Variants in TBC1D4 observed in about 807,000 individuals in gnomAD.
TBC1D4 encodes the protein TBC1 domain family member 4.
In TBC1D4, 121 loss-of-function variants were observed where a neutral mutation model predicts 142.5. The ratio of observed to expected loss-of-function variants is 0.85; its 90% CI spans 0.73 to 0.99. The LOEUF is 0.99. Among genes scored for constraint, TBC1D4 ranks in the 50% least tolerant of loss-of-function variants. TBC1D4 has a pLI of 0.00. For missense variants in TBC1D4, 1,475 were observed against 1,606.6 expected, an observed-to-expected ratio of 0.92 and a Z score of 1.40; for synonymous variants, 630 against 628.2, an observed-to-expected ratio of 1.00 and a Z score of -0.04.
At chr13:75,358,635 C>G (rs936565178) in intron 3 of TBC1D4, among the ~76,000 whole-genome samples, 4 of 151,942 alleles carry the variant, frequency 2.6e-5, no homozygotes, top group Admixed American at 1.3e-4. Context: ...GATCTTGAGG[C>G]CAGGAGTTCA....
At chr13:75,331,765 T>C (rs927227131) in intron 8 of TBC1D4, among the ~76,000 whole-genome samples, 3 of 151,856 alleles carry the variant, frequency 2.0e-5, no homozygotes, top group Non-Finnish European at 4.4e-5. Flanking sequence ...AAATAAAATA[T>C]TTTGATGTTT....
chr13:75,405,594 G>A (rs192917666), intron 1 of TBC1D4, among the ~76,000 whole-genome samples: 2 of 152,226 alleles, frequency 1.3e-5, no homozygotes, highest in Admixed American at 1.3e-4. Context: ...AAAGTCTAGG[G>A]TATGCATCAA....
intron 1 of TBC1D4, among the ~76,000 whole-genome samples, chr13:75,441,912 T>A (rs1211785046): frequency 6.6e-6 from 1 of 152,262 alleles, no homozygotes; most frequent in African/African-American, 2.4e-5. Context: ...TTAGACTCTG[T>A]AACACTTCTT....
intron 16 of TBC1D4, among the ~76,000 whole-genome samples, chr13:75,299,972 A>G (rs1164208245): frequency 6.6e-6 from 1 of 152,208 alleles, no homozygotes; most frequent in Non-Finnish European, 1.5e-5. Context: ...CTTCTAAATG[A>G]AACCAGAAGT....
At chr13:75,340,602 C>G (rs1210341345) in intron 7 of TBC1D4, among the ~76,000 whole-genome samples, 1 of 152,140 alleles carries the variant, frequency 6.6e-6, no homozygotes, top group Non-Finnish European at 1.5e-5. Context: ...AATTCTTTTA[C>G]ATTTTAAGAC....
At chr13:75,299,196 C>G (rs1209823087) in intron 17 of TBC1D4, 134 bp downstream of exon 17, 8 of 1,479,498 alleles carry the variant, frequency 5.4e-6, no homozygotes, top group Non-Finnish European at 7.3e-6. Context: ...TGAACTAAAA[C>G]ATGCCCCAAT....
In TBC1D4 at chr13:75,481,327, G is replaced by A; in HGVS notation, c.441C>T (p.Pro147=). ...TYFAYLIKAQ[P]DDPESQMACH... is the part of the protein sequence containing the mutation. ...AGGCCATCTGCGACTCGGGGTCGTC[G>A]GGCTGCGCCTTGATCAGGTAGGCAA... The change falls in exon 1 of 21, where the codon CCC becomes CCT. Residue 147 remains proline, a synonymous_variant. Coordinates refer to ENST00000377636, the MANE Select transcript of TBC1D4 (RefSeq NM_014832.5). 1.2e-6 allele frequency: 2 copies of A among 1,613,916 alleles called. No individual in the cohort carries two copies. Among genetic ancestry groups the A allele is most frequent in the Non-Finnish European group, 1.7e-6 (2 of 1,179,824 alleles).
chr13:75,327,712 G>A, intron 9 of TBC1D4, 40 bp downstream of exon 9: 1 of 1,592,144 alleles, frequency 6.3e-7, no homozygotes, highest in Non-Finnish European at 8.6e-7. Flanking sequence ...TGCTGACTTT[G>A]TTAAGTTGCA....
At chr13:75,476,352 G>T (rs1028171084) in intron 1 of TBC1D4, among the ~76,000 whole-genome samples, 2 of 152,250 alleles carry the variant, frequency 1.3e-5, no homozygotes, top group Non-Finnish European at 2.9e-5. Flanking sequence ...TGTGTGTTTT[G>T]ACTGTGATCT....
chr13:75,355,908 T>G (rs1044422774), intron 4 of TBC1D4, among the ~76,000 whole-genome samples: 1 of 152,204 alleles, frequency 6.6e-6, no homozygotes, highest in African/African-American at 2.4e-5. Context: ...TTTAAAAAGC[T>G]CAAGTTTCCA....
intron 1 of TBC1D4, among the ~76,000 whole-genome samples, chr13:75,410,880 G>A (rs563935689): frequency 3.6e-4 from 46 of 129,482 alleles, no homozygotes; most frequent in African/African-American, 1.2e-3. Context: ...AGCTTGCAGT[G>A]AGCCGAGATC....
intron 2 of TBC1D4, among the ~76,000 whole-genome samples, chr13:75,361,735 T>C (rs897029249): frequency 3.3e-5 from 5 of 152,216 alleles, no homozygotes; most frequent in South Asian, 4.2e-4. Context: ...ATGCTGGTTA[T>C]AGATTCTTAT....
chr13:75,299,823 C>CAAA (rs56719877), intron 16 of TBC1D4, among the ~76,000 whole-genome samples: 77 of 105,646 alleles, frequency 7.3e-4, no homozygotes, highest in East Asian at 1.9e-3. Flanking sequence ...TTCTTTCCAG[C>CAAA]AAAAAAAAAA....
chr13:75,450,879 CG>C (rs1271333318), intron 1 of TBC1D4, among the ~76,000 whole-genome samples: 1 of 152,104 alleles, frequency 6.6e-6, no homozygotes, highest in East Asian at 1.9e-4. Flanking sequence ...TGAGCCCCCT[CG>C]TTAGCATAAA....
Position 75,286,707 on chromosome 13 carries a change from G to T in TBC1D4, c.*85C>A. The T allele has an allele frequency of 7.2e-7, 1 of 1,382,512 alleles. No homozygotes were observed. Among genetic ancestry groups the T allele is most frequent in the Non-Finnish European group, 1.0e-6 (1 of 991,466 alleles). The allele number at this position is 1,382,512 out of a possible 1,614,324, so 85.6% of individuals were successfully genotyped here. A position where few individuals can be genotyped will look rare whatever the true frequency, so the allele number is the denominator to read the frequency against. ...ATTAGGTGGTTCCATCAGCTTCAGG[G>T]TCCAGCCTTGGGCCAGCGACATGCA... On this transcript the variant is annotated 3_prime_UTR_variant, in exon 21 of 21. Transcript: ENST00000377636.
chr13:75,441,147 T>C (rs1159627586), intron 1 of TBC1D4, among the ~76,000 whole-genome samples: 1 of 151,918 alleles, frequency 6.6e-6, no homozygotes, highest in Non-Finnish European at 1.5e-5. Context: ...TCCCAGCCAC[T>C]TGGGAGGCTG....
intron 11 of TBC1D4, 68 bp downstream of exon 11, chr13:75,324,168 CT>C: frequency 1.1e-5 from 18 of 1,582,886 alleles, no homozygotes; most frequent in Non-Finnish European, 1.6e-5. Flanking sequence ...TAATCAACCA[CT>C]TTTTAGTAAC....
chr13:75,374,678 CCAAA>C (rs541258908), intron 1 of TBC1D4, among the ~76,000 whole-genome samples: 60 of 152,216 alleles, frequency 3.9e-4, no homozygotes, highest in African/African-American at 1.1e-3. Context: ...ATCAAAACTC[CCAAA>C]CAAAGGATTT....
intron 1 of TBC1D4, among the ~76,000 whole-genome samples, chr13:75,423,654 T>C (rs961981048): frequency 7.9e-5 from 12 of 152,242 alleles, no homozygotes; most frequent in African/African-American, 2.9e-4. Flanking sequence ...GACTTCTCTA[T>C]GAATCTAAAA....
Sources: gnomAD v4.1 joint callset for allele counts (sites outside exome capture counted in the v4.1 genomes callset) on GRCh38, gnomAD v4.1.1 for gene constraint, MANE v1.5 for transcripts, NCBI Gene and HGNC (gene_info 2026-07-23, HGNC 2026-07-21) for gene names.